Variants in PIK3CB observed in about 807,000 individuals in gnomAD.
The protein encoded by PIK3CB is phosphatidylinositol 4,5-bisphosphate 3-kinase catalytic subunit beta isoform.
PIK3CB carries 39 observed loss-of-function variants against 136.8 expected under a neutral mutation model. The ratio of observed to expected loss-of-function variants is 0.29; its 90% CI spans 0.22 to 0.37. The LOEUF is 0.37. Ranked by LOEUF, PIK3CB falls within the 10% of genes least tolerant of loss-of-function variation. The probability of loss-of-function intolerance (pLI) is 1.00; values close to 1 mark genes in which losing one functional copy is unlikely to be tolerated. For missense variants in PIK3CB, 868 were observed against 1,275.4 expected (o/e 0.68, Z 4.87); for synonymous variants, 428 against 436.6 (o/e 0.98, Z 0.25).
chr3:138,763,121 A>AT (rs1553737687), intron 2 of PIK3CB, among the ~76,000 whole-genome samples: 1 of 149,534 alleles, frequency 6.7e-6, no homozygotes, highest in South Asian at 2.2e-4. Context: ...AATGAAAGTT[A>AT]GTATGTATGT....
chr3:138,695,994 C>T (rs1454136244), intron 13 of PIK3CB, among the ~76,000 whole-genome samples: 3 of 128,586 alleles, frequency 2.3e-5, no homozygotes, highest in Non-Finnish European at 4.7e-5. Flanking sequence ...TGGTCTTGAA[C>T]TCCTGACGTC....
intron 13 of PIK3CB, among the ~76,000 whole-genome samples, chr3:138,695,655 T>C (rs2044120410): frequency 6.6e-6 from 1 of 152,116 alleles, no homozygotes; most frequent in Non-Finnish European, 1.5e-5. Flanking sequence ...ATTTTTTCAG[T>C]TGTTTTACAT....
At chr3:138,708,648 G>T in intron 10 of PIK3CB, among the ~76,000 whole-genome samples, 1 of 146,416 alleles carries the variant, frequency 6.8e-6, no homozygotes. Context: ...TTGCCACATT[G>T]CCCAGGCTGG....
intron 19 of PIK3CB, among the ~76,000 whole-genome samples, chr3:138,667,511 T>C (rs2043438727): frequency 6.6e-6 from 1 of 151,908 alleles, no homozygotes; most frequent in Admixed American, 6.6e-5. Flanking sequence ...TTTCTAAAAG[T>C]CCTTCAAAAA....
chr3:138,662,464 G>A (rs999428003), intron 21 of PIK3CB, among the ~76,000 whole-genome samples: 8 of 151,044 alleles, frequency 5.3e-5, no homozygotes, highest in African/African-American at 4.9e-5. Context: ...TGGCTGCATA[G>A]TATTCCATGG....
chr3:138,742,896 T>C, intron 4 of PIK3CB, 115 bp from the exon 5 acceptor site: 8 of 572,978 alleles, frequency 1.4e-5, no homozygotes, highest in South Asian at 2.7e-5. Flanking sequence ...GCTTGGCTTT[T>C]ATCAAGCAGA....
intron 8 of PIK3CB, among the ~76,000 whole-genome samples, chr3:138,721,460 T>C (rs2044725064): frequency 1.3e-5 from 2 of 152,178 alleles, no homozygotes; most frequent in South Asian, 2.1e-4. Flanking sequence ...CCACTGGGCA[T>C]GGCCAAGATG....
intron 10 of PIK3CB, among the ~76,000 whole-genome samples, chr3:138,711,516 T>G (rs920701687): frequency 1.8e-4 from 25 of 137,956 alleles, no homozygotes; most frequent in African/African-American, 6.8e-4. Context: ...GAGGCAGAGG[T>G]TGCAGTGAGC....
chr3:138,763,121 A>AGTATGTAT (rs111529463), intron 2 of PIK3CB, among the ~76,000 whole-genome samples: 3,889 of 149,628 alleles, frequency 0.026, 55 homozygotes, highest in Non-Finnish European at 0.032. Context: ...AATGAAAGTT[A>AGTATGTAT]GTATGTATGT....
At chr3:138,818,404 G>A (rs1933422891) in intron 1 of PIK3CB, among the ~76,000 whole-genome samples, 1 of 152,184 alleles carries the variant, frequency 6.6e-6, no homozygotes, top group East Asian at 1.9e-4. Context: ...GTGACCTTGG[G>A]AAAGTTCCCC....
intron 22 of PIK3CB, 137 bp downstream of exon 22, chr3:138,657,553 A>T (rs2043212938): frequency 1.5e-6 from 1 of 689,216 alleles, no homozygotes; most frequent in Admixed American, 3.5e-5. Flanking sequence ...CTGACAGGCA[A>T]ATTCCCCCAA....
intron 14 of PIK3CB, 129 bp from the exon 15 acceptor site, chr3:138,691,272 T>A (rs1263504427): frequency 9.2e-6 from 7 of 759,724 alleles, no homozygotes; most frequent in Non-Finnish European, 1.5e-5. Context: ...TGTTACATGC[T>A]TTCCTTCACT....
chr3:138,668,442 G>T (rs2043459525), intron 19 of PIK3CB, among the ~76,000 whole-genome samples: 1 of 152,104 alleles, frequency 6.6e-6, no homozygotes, highest in African/African-American at 2.4e-5. Context: ...ACAAACTCTT[G>T]GAGCCCTAAT....
intron 10 of PIK3CB, 142 bp downstream of exon 10, chr3:138,712,066 T>C: frequency 2.4e-6 from 1 of 424,674 alleles, no homozygotes; most frequent in Non-Finnish European, 4.1e-6. Flanking sequence ...AAATAATTTG[T>C]GTAAATCTAT....
At chr3:138,781,456 A>AT (rs60060720) in intron 2 of PIK3CB, among the ~76,000 whole-genome samples, 4,065 of 144,658 alleles carry the variant, frequency 0.028, 155 homozygotes, top group African/African-American at 0.089. Flanking sequence ...CTCTACAGAA[A>AT]TTTTTTTTTT....
chr3:138,705,194 A>AAAAAAAAAAAAT (rs2044351286), intron 11 of PIK3CB, among the ~76,000 whole-genome samples: 1 of 137,898 alleles, frequency 7.3e-6, no homozygotes, highest in Non-Finnish European at 1.6e-5. Context: ...AACAAACAAA[A>AAAAAAAAAAAAT]AAAAAAACTT....
At position 138,805,032 on chromosome 3, in the gene PIK3CB, G is replaced by GA. The variant is rs528596912; in HGVS notation, c.-121-8466dup. ...ACAGCGAGACTCCATCTCAAAAAAA[G>GA]AAAAAAAACCCTCAGTATTTGGCCA... On this transcript the variant is annotated intron_variant, in intron 1 of 23. Transcript: ENST00000674063. Among the ~76,000 whole-genome samples the GA allele has an allele frequency of 2.8e-3, 371 of 134,886 alleles. 4 individuals carry two copies. Among genetic ancestry groups the GA allele is most frequent in the African/African-American group, 9.9e-3 (360 of 36,468 alleles). 88.5% of individuals were successfully genotyped at this position (134,886 alleles called of 152,430 possible). A position where few individuals can be genotyped will look rare whatever the true frequency, so the allele number is the denominator to read the frequency against.
intron 1 of PIK3CB, among the ~76,000 whole-genome samples, chr3:138,828,347 G>A (rs564958031): frequency 3.7e-4 from 56 of 151,580 alleles, no homozygotes; most frequent in African/African-American, 1.2e-3. Context: ...CACCACGCCC[G>A]GCTAATTTTT....
At chr3:138,752,643 A>C (rs2045493749) in intron 4 of PIK3CB, among the ~76,000 whole-genome samples, 1 of 151,978 alleles carries the variant, frequency 6.6e-6, no homozygotes, top group Non-Finnish European at 1.5e-5. Context: ...TGGGAGGCGG[A>C]GGTTGCAGTG....
Sources: gnomAD v4.1 joint callset for allele counts (sites outside exome capture counted in the v4.1 genomes callset) on GRCh38, gnomAD v4.1.1 for gene constraint, MANE v1.5 for transcripts, NCBI Gene and HGNC (gene_info 2026-07-23, HGNC 2026-07-21) for gene names.